HS2ST1: variants seen among roughly 807,000 people sequenced by gnomAD.
HS2ST1 encodes 2-O-sulfotransferase.
HS2ST1 carries 18 observed loss-of-function variants against 42.9 expected under a neutral mutation model. The ratio of observed to expected loss-of-function variants is 0.42; its 90% CI spans 0.29 to 0.62. The LOEUF (loss-of-function observed/expected upper bound fraction) is 0.62, where lower values mean the gene tolerates loss of function less well. Among genes scored for constraint, HS2ST1 ranks in the 20% least tolerant of loss-of-function variants. The probability of loss-of-function intolerance (pLI) is 0.21; values close to 1 mark genes in which losing one functional copy is unlikely to be tolerated. For synonymous variants in HS2ST1, 146 were observed against 152.9 expected (o/e 0.95, Z 0.33); for missense variants, 334 against 433.8 (o/e 0.77, Z 2.04).
At chr1:87,097,807 G>C (rs901318278) in intron 4 of HS2ST1, 31 bp from the exon 5 acceptor site, 2 of 1,612,616 alleles carry the variant, frequency 1.2e-6, no homozygotes, top group Non-Finnish European at 1.7e-6. Context: ...TGGATTTATG[G>C]CTTACCCGTG....
intron 1 of HS2ST1, among the ~76,000 whole-genome samples, chr1:86,915,984 C>G (rs1294459146): frequency 6.6e-6 from 1 of 152,188 alleles, no homozygotes; most frequent in Non-Finnish European, 1.5e-5. Context: ...ATGCGGAAAG[C>G]TAACCATATG....
chr1:86,917,184 T>C (rs1270507148), intron 1 of HS2ST1, among the ~76,000 whole-genome samples: 2 of 152,126 alleles, frequency 1.3e-5, no homozygotes, highest in Non-Finnish European at 2.9e-5. Flanking sequence ...ACTAGGCACT[T>C]TTCATCGTAG....
chr1:87,010,708 A>G (rs1383584742), intron 1 of HS2ST1, among the ~76,000 whole-genome samples: 1 of 152,076 alleles, frequency 6.6e-6, no homozygotes, highest in Non-Finnish European at 1.5e-5. Context: ...AATATTTCTT[A>G]TTTATTTAAA....
rs1652424671 is a variant in HS2ST1, at chr1:87,109,685, A to G, written c.*4989A>G. On this transcript the variant is annotated 3_prime_UTR_variant, in exon 7 of 7. Transcript: ENST00000370550. ...TTATATTATATGATATTGGGTTGAT[A>G]AAATACCAGTTCAATGATGAGTTTT... 1 of 152,118 alleles carries G rather than the reference A, an allele frequency of 6.6e-6. No homozygotes were observed. The allele number at this position is 152,118 out of a possible 1,614,324, so 9.4% of individuals were successfully genotyped here.
intron 1 of HS2ST1, among the ~76,000 whole-genome samples, chr1:87,056,915 A>G (rs2100618991): frequency 6.6e-6 from 1 of 152,332 alleles, no homozygotes; most frequent in South Asian, 2.1e-4. Context: ...GTTTTAGTGT[A>G]GAATTGAAAA....
chr1:86,969,005 T>C (rs576358853), intron 1 of HS2ST1, among the ~76,000 whole-genome samples: 1 of 152,376 alleles, frequency 6.6e-6, no homozygotes, highest in South Asian at 2.1e-4. Flanking sequence ...GAAGTTATTC[T>C]TTGTACCAAT....
intron 1 of HS2ST1, among the ~76,000 whole-genome samples, chr1:86,935,814 C>T (rs1660635493): frequency 6.6e-6 from 1 of 152,060 alleles, no homozygotes; most frequent in Middle Eastern, 3.2e-3. Flanking sequence ...GGTGTATTTT[C>T]TGCATTTTTA....
intron 1 of HS2ST1, among the ~76,000 whole-genome samples, chr1:87,016,564 T>G (rs12756699): frequency 1.4e-4 from 21 of 152,350 alleles, no homozygotes; most frequent in Non-Finnish European, 1.6e-4. Flanking sequence ...ATTACATTGT[T>G]TATTTCAGAA....
At chr1:86,925,217 TA>T (rs1251282998) in intron 1 of HS2ST1, among the ~76,000 whole-genome samples, 1 of 152,190 alleles carries the variant, frequency 6.6e-6, no homozygotes, top group African/African-American at 2.4e-5. Flanking sequence ...GAGACCACCT[TA>T]GACTGGACCT....
At chr1:87,045,603 A>G (rs562558729) in intron 1 of HS2ST1, 28 of 782,594 alleles carry the variant, frequency 3.6e-5, no homozygotes, top group East Asian at 1.7e-4. Flanking sequence ...ATTCAAAACA[A>G]TTGTTCTGCA....
At chr1:87,038,440 AAAC>A (rs1298941855) in intron 1 of HS2ST1, among the ~76,000 whole-genome samples, 3 of 152,148 alleles carry the variant, frequency 2.0e-5, no homozygotes, top group African/African-American at 7.2e-5. Context: ...TACTGTTGTA[AAAC>A]ATTTTCAAAA....
chr1:86,928,935 A>G (rs1024337873), intron 1 of HS2ST1, among the ~76,000 whole-genome samples: 3 of 151,922 alleles, frequency 2.0e-5, no homozygotes, highest in African/African-American at 7.2e-5. Context: ...TATAGATAAG[A>G]TGCCATCGTG....
chr1:87,027,636 C>T (rs1650121773), intron 1 of HS2ST1, among the ~76,000 whole-genome samples: 1 of 152,112 alleles, frequency 6.6e-6, no homozygotes, highest in Non-Finnish European at 1.5e-5. Flanking sequence ...TACAGATTCT[C>T]AACTGAGAAG....
At chr1:87,068,178 C>G (rs936510793) in intron 1 of HS2ST1, among the ~76,000 whole-genome samples, 1 of 152,022 alleles carries the variant, frequency 6.6e-6, no homozygotes, top group Admixed American at 6.6e-5. Context: ...TTTCATGATA[C>G]TGATTCTTCC....
rs1557546421 is a variant in HS2ST1 at position 87,101,149 on chromosome 1, G to GTGTGTTTT, written c.687-2282_687-2281insGTGTTTTT. On this transcript the variant is annotated intron_variant, in intron 5 of 6. Transcript: ENST00000370550. ...TCATCACTTTTGTGTGTGTGTGTGT[G>GTGTGTTTT]TTTTTTGTTTTTTTTTTTTTTTTTT... Among the ~76,000 whole-genome samples the GTGTGTTTT allele has an allele frequency of 3.0e-4, 18 of 59,564 alleles. 1 individual carries two copies. Among genetic ancestry groups the GTGTGTTTT allele is most frequent in the African/African-American group, 1.2e-3 (18 of 15,290 alleles). 39.1% of individuals were successfully genotyped at this position (59,564 alleles called of 152,430 possible). A position where few individuals can be genotyped will look rare whatever the true frequency, so the allele number is the denominator to read the frequency against.
intron 1 of HS2ST1, among the ~76,000 whole-genome samples, chr1:87,008,784 A>C (rs778515603): frequency 1.3e-5 from 2 of 152,222 alleles, no homozygotes; most frequent in Non-Finnish European, 2.9e-5. Flanking sequence ...ATTAAAATCT[A>C]CTTGCTAATT....
chr1:87,000,928 T>G (rs2100569152), intron 1 of HS2ST1, among the ~76,000 whole-genome samples: 1 of 152,274 alleles, frequency 6.6e-6, no homozygotes, highest in Non-Finnish European at 1.5e-5. Flanking sequence ...AAGATACCAG[T>G]CCCTCAGAAT....
chr1:86,915,618 A>T (rs998043643), intron 1 of HS2ST1, among the ~76,000 whole-genome samples: 1 of 152,176 alleles, frequency 6.6e-6, no homozygotes, highest in Admixed American at 6.5e-5. Flanking sequence ...GGGCTCATGA[A>T]GGGATAGGTG....
chr1:87,046,200 A>C (rs1650659923), intron 1 of HS2ST1: 2 of 865,596 alleles, frequency 2.3e-6, no homozygotes, highest in Admixed American at 3.5e-5. Flanking sequence ...TCTTATTGAA[A>C]GTGGAACTGC....
Sources: gnomAD v4.1 joint callset for allele counts (sites outside exome capture counted in the v4.1 genomes callset) on GRCh38, gnomAD v4.1.1 for gene constraint, MANE v1.5 for transcripts, NCBI Gene and HGNC (gene_info 2026-07-23, HGNC 2026-07-21) for gene names.